RIGI: variants seen among roughly 807,000 people sequenced by gnomAD.
The protein encoded by RIGI is RNA sensor RIG-I.
chr9:32,489,235 A>T, the RIGI span: 17 of 677,396 alleles, frequency 2.5e-5, no homozygotes, highest in Non-Finnish European at 4.2e-5. Flanking sequence ...CTCAAAAGAC[A>T]CATGGAACAA....
chr9:32,513,505 T>C, the RIGI span, among the ~76,000 whole-genome samples: 1 of 152,208 alleles, frequency 6.6e-6, no homozygotes, highest in South Asian at 2.1e-4. Context: ...TAAATGTTGT[T>C]GGGAAAACTG....
chr9:32,481,367 G>A, the RIGI span: 1,036 of 1,613,524 alleles, frequency 6.4e-4, 6 homozygotes, highest in African/African-American at 0.012. Context: ...ATAAAAACAG[G>A]GCTTTACAAA....
chr9:32,458,953 G>A, the RIGI span, among the ~76,000 whole-genome samples: 7 of 148,952 alleles, frequency 4.7e-5, no homozygotes, highest in African/African-American at 9.9e-5. Flanking sequence ...GCAGTGGCGC[G>A]ATATCAGCTC....
chr9:32,516,793 C>T, the RIGI span, among the ~76,000 whole-genome samples: 1 of 152,060 alleles, frequency 6.6e-6, no homozygotes, highest in African/African-American at 2.4e-5. Flanking sequence ...TTTTTGGGTA[C>T]CAGACAGTGG....
At chr9:32,518,396 AAG>A in the RIGI span, among the ~76,000 whole-genome samples, 1 of 151,214 alleles carries the variant, frequency 6.6e-6, no homozygotes, top group African/African-American at 2.4e-5. Context: ...AAAAAAAAAA[AAG>A]AAGAAGAAAA....
chr9:32,502,852 A>G, the RIGI span, among the ~76,000 whole-genome samples: 1 of 152,158 alleles, frequency 6.6e-6, no homozygotes, highest in Non-Finnish European at 1.5e-5. Flanking sequence ...ATGTCTTCAC[A>G]TGGCTGTTTT....
At chr9:32,481,234 T>G in the RIGI span, 161 of 1,146,032 alleles carry the variant, frequency 1.4e-4, no homozygotes, top group Middle Eastern at 3.0e-4. Flanking sequence ...GGTTCCTAAG[T>G]GAGCTCTTGA....
At chr9:32,458,267 G>A in the RIGI span, among the ~76,000 whole-genome samples, 3 of 152,072 alleles carry the variant, frequency 2.0e-5, no homozygotes, top group African/African-American at 7.2e-5. Context: ...TGCAATAGAA[G>A]GCTAATCTGC....
chr9:32,493,026 A>C, the RIGI span, among the ~76,000 whole-genome samples: 1 of 152,312 alleles, frequency 6.6e-6, no homozygotes, highest in Non-Finnish European at 1.5e-5. Flanking sequence ...CCCTTATGAA[A>C]ATACCATATT....
the RIGI span, among the ~76,000 whole-genome samples, chr9:32,462,567 T>TGC: frequency 6.6e-6 from 1 of 151,762 alleles, no homozygotes; most frequent in Admixed American, 6.6e-5. Flanking sequence ...TGCCACCACA[T>TGC]CCAGCTAATT....
the RIGI span, among the ~76,000 whole-genome samples, chr9:32,500,163 C>T: frequency 1.3e-5 from 2 of 152,186 alleles, no homozygotes; most frequent in Non-Finnish European, 2.9e-5. Flanking sequence ...AGAAAAGCCC[C>T]AATCTACTAA....
At chr9:32,480,189 G>A in the RIGI span, 17 of 1,573,136 alleles carry the variant, frequency 1.1e-5, no homozygotes, top group African/African-American at 2.2e-4. Context: ...GAATGCTACT[G>A]TGGCTTCCTC....
At chr9:32,498,937 C>T in the RIGI span, among the ~76,000 whole-genome samples, 1 of 142,030 alleles carries the variant, frequency 7.0e-6, no homozygotes, top group Non-Finnish European at 1.5e-5. Flanking sequence ...GAGCCAAGAT[C>T]GTGCCATTGC....
chr9:32,491,669 CAGA>C, the RIGI span, among the ~76,000 whole-genome samples: 1 of 136,648 alleles, frequency 7.3e-6, no homozygotes. Context: ...CCTACTGAAT[CAGA>C]ATCCACATTT....
chr9:32,499,889 G>A, the RIGI span, among the ~76,000 whole-genome samples: 2 of 152,098 alleles, frequency 1.3e-5, no homozygotes, highest in African/African-American at 4.8e-5. Context: ...TGAGAGGCTG[G>A]GACTACAGGC....
the RIGI span, chr9:32,455,913 G>GC: frequency 6.6e-6 from 1 of 152,110 alleles, no homozygotes; most frequent in African/African-American, 2.4e-5. Flanking sequence ...CTGGCTCCCC[G>GC]CCTGCACCAC....
the RIGI span, chr9:32,526,126 T>C: frequency 6.2e-7 from 1 of 1,613,272 alleles, no homozygotes. Flanking sequence ...CCGGATATAA[T>C]CCTGGAAGGC....
chr9:32,486,453 C>CAAAA, the RIGI span, among the ~76,000 whole-genome samples: 16 of 60,674 alleles, frequency 2.6e-4, no homozygotes, highest in South Asian at 6.2e-4. Context: ...GACTCTGTCT[C>CAAAA]AAAAAAAAAA....
At chr9:32,524,194 A>C in the RIGI span, among the ~76,000 whole-genome samples, 115 of 152,268 alleles carry the variant, frequency 7.6e-4, 1 homozygote, top group African/African-American at 2.6e-3. Context: ...CTATTAGGGC[A>C]GGGACAGTTT....
Sources: allele counts gnomAD v4.1 joint callset (sites outside exome capture counted in the v4.1 genomes callset), GRCh38; gene constraint gnomAD v4.1.1; transcripts MANE v1.5; gene names NCBI Gene and HGNC (gene_info 2026-07-23, HGNC 2026-07-21).